Variants in SCN11A observed in about 807,000 individuals in gnomAD.
SCN11A encodes the protein sodium channel protein type 11 subunit alpha.
A neutral mutation model predicts 162.2 loss-of-function variants in SCN11A; 122 were observed. The observed-to-expected ratio is 0.75, with a 90% CI of 0.65 to 0.87. The LOEUF (loss-of-function observed/expected upper bound fraction) is 0.87, where lower values mean the gene tolerates loss of function less well. Ranked by LOEUF, SCN11A falls within the 40% of genes least tolerant of loss-of-function variation. SCN11A has a pLI of 0.00. For synonymous variants in SCN11A, 758 were observed against 751.5 expected (o/e 1.01, Z -0.14); for missense variants, 2,015 against 2,181.6 (o/e 0.92, Z 1.52).
intron 2 of SCN11A, among the ~76,000 whole-genome samples, chr3:39,018,175 G>A (rs1411216338): frequency 6.6e-6 from 1 of 152,202 alleles, no homozygotes; most frequent in Non-Finnish European, 1.5e-5. Flanking sequence ...CCTGGGCACT[G>A]TTACTTCTAA....
Position 38,896,898 on chromosome 3 carries a change from A to G in SCN11A, c.2350T>C (p.Ser784Pro). The change falls in exon 18 of 30, where the codon TCA becomes CCA. Residue 784 changes from serine (S) to proline (P), a missense_variant. Ser to Pro is a moderately conservative substitution (Grantham distance 74, BLOSUM62 -1). Transcript: ENST00000302328. ...WECMQEANAS[S>P]SLCVIVFILI... ...ATGAAGACAATAACACACAATGATG[A>G]TGATGCATTCGCTTCTTGCATACAT... The G allele has an allele frequency of 6.2e-7, 1 of 1,612,842 alleles. No individual in the cohort carries two copies. Among genetic ancestry groups the G allele is most frequent in the Non-Finnish European group, 8.5e-7 (1 of 1,179,430 alleles).
chr3:38,929,135 G>GCACACACACA (rs748169973), intron 7 of SCN11A, among the ~76,000 whole-genome samples: 29 of 66,698 alleles, frequency 4.3e-4, no homozygotes, highest in Middle Eastern at 7.4e-3. Flanking sequence ...GTCTGTGCAC[G>GCACACACACA]CACACACACA....
chr3:38,926,835 C>T lies in SCN11A; in HGVS notation c.585G>A (p.Trp195Ter), dbSNP rs1553641553. ...LDEFSFLRDP[W>*]NWLDSIVIGI... is the part of the protein sequence containing the mutation. ...CAATGACAATGGAGTCCAGCCAGTT[C>T]CATGGATCTCGAAGGAAAGAAAACT... Residue 195 changes from tryptophan (W) to a stop codon, truncating the protein, a stop_gained, in exon 8 of 30, where the codon TGG becomes TGA. Transcript: ENST00000302328. LOFTEE classifies it high-confidence loss of function. 1.2e-6 allele frequency: 2 copies of T among 1,613,748 alleles called. No individual in the cohort carries two copies.
chr3:38,853,427 C>G (rs968390160), intron 28 of SCN11A, among the ~76,000 whole-genome samples: 2 of 152,162 alleles, frequency 1.3e-5, no homozygotes, highest in Admixed American at 6.5e-5. Flanking sequence ...AAACCGCTGG[C>G]AGATTAAACC....
At chr3:38,978,244 G>A (rs1467416817) in intron 2 of SCN11A, among the ~76,000 whole-genome samples, 6 of 152,136 alleles carry the variant, frequency 3.9e-5, no homozygotes, top group East Asian at 1.9e-4. Context: ...CACTTCTACC[G>A]AACACCTGTA....
intron 2 of SCN11A, among the ~76,000 whole-genome samples, chr3:38,985,754 C>T (rs976809296): frequency 3.2e-4 from 49 of 151,034 alleles, no homozygotes; most frequent in Admixed American, 3.2e-3. Flanking sequence ...TAGTCATCTA[C>T]TGCTGTGTAA....
chr3:38,949,526 A>C (rs2125576270), intron 5 of SCN11A, among the ~76,000 whole-genome samples: 1 of 152,338 alleles, frequency 6.6e-6, no homozygotes, highest in East Asian at 1.9e-4. Flanking sequence ...GAGCCCTATT[A>C]GTCTCATTTA....
At chr3:38,908,189 C>T (rs755143933) in intron 13 of SCN11A, 67 bp from the exon 14 acceptor site, 84 of 1,416,144 alleles carry the variant, frequency 5.9e-5, no homozygotes, top group South Asian at 4.7e-4. Context: ...CAAATGACCC[C>T]GACCTGAGAG....
chr3:39,040,903 C>G (rs2032036413), intron 1 of SCN11A, among the ~76,000 whole-genome samples: 1 of 151,902 alleles, frequency 6.6e-6, no homozygotes, highest in East Asian at 1.9e-4. Flanking sequence ...ACGGTGAAAC[C>G]CCATCTCTAC....
chr3:38,869,152 G>A (rs1201151890), intron 26 of SCN11A, among the ~76,000 whole-genome samples: 2 of 151,916 alleles, frequency 1.3e-5, no homozygotes, highest in Admixed American at 6.6e-5. Context: ...TATCAGGACC[G>A]GCATCAAAAC....
intron 4 of SCN11A, among the ~76,000 whole-genome samples, chr3:38,951,049 C>T (rs1330612322): frequency 6.6e-6 from 1 of 152,250 alleles, no homozygotes; most frequent in Non-Finnish European, 1.5e-5. Context: ...CCCAATTTGG[C>T]GGCACTTGAG....
chr3:38,971,636 T>C (rs984298783), intron 2 of SCN11A, among the ~76,000 whole-genome samples: 1 of 152,256 alleles, frequency 6.6e-6, no homozygotes, highest in East Asian at 1.9e-4. Context: ...TCCAGGGAGC[T>C]TTTCTCACTG....
intron 7 of SCN11A, among the ~76,000 whole-genome samples, chr3:38,936,201 G>A (rs1305047307): frequency 6.6e-6 from 1 of 151,898 alleles, no homozygotes; most frequent in Non-Finnish European, 1.5e-5. Flanking sequence ...AATAAATTAG[G>A]TATTGATGGG....
rs2064690409 is a variant in SCN11A at position 38,847,417 on chromosome 3, T to C, written c.4653A>G (p.Ala1551=). 1.2e-6 allele frequency: 2 copies of C among 1,614,214 alleles called. No individual in the cohort carries two copies. Among genetic ancestry groups the C allele is most frequent in the Middle Eastern group, 1.6e-4 (1 of 6,062 alleles). The change falls in exon 30 of 30, where the codon GCA becomes GCG. Residue 1551 remains alanine, a synonymous_variant. Coordinates refer to ENST00000302328, the MANE Select transcript of SCN11A (RefSeq NM_001349253.2). ...MLCLFQISTS[A]GWDSLLSPML... ...TGGGGCTGAGCAGGGAATCCCAACCTGCTGATGTGCTTATCTGGAAGAGAC... is the reference window on the plus strand; with the variant it reads ...TGGGGCTGAGCAGGGAATCCCAACCCGCTGATGTGCTTATCTGGAAGAGAC...
chr3:38,963,710 C>T (rs4502530), intron 2 of SCN11A, among the ~76,000 whole-genome samples: 151,609 of 151,776 alleles, frequency 1, 75,721 homozygotes, highest in Middle Eastern at 1. Flanking sequence ...ACAATGACTT[C>T]GGGGAGTCGG....
intron 7 of SCN11A, among the ~76,000 whole-genome samples, chr3:38,936,974 C>T (rs1276123427): frequency 2.0e-5 from 3 of 151,996 alleles, no homozygotes; most frequent in Non-Finnish European, 2.9e-5. Flanking sequence ...TCAAACTATA[C>T]TACAAGGCTA....
At chr3:38,939,384 CAT>C (rs2066406003) in intron 7 of SCN11A, among the ~76,000 whole-genome samples, 1 of 151,246 alleles carries the variant, frequency 6.6e-6, no homozygotes, top group Admixed American at 6.6e-5. Flanking sequence ...AAAAAGAAAA[CAT>C]ATGAACAAAA....
intron 2 of SCN11A, among the ~76,000 whole-genome samples, chr3:38,997,736 G>A (rs1559568678): frequency 6.6e-6 from 1 of 152,204 alleles, no homozygotes; most frequent in Non-Finnish European, 1.5e-5. Flanking sequence ...ATAAATGAAT[G>A]TGGAATCTCC....
rs1445569526 is a variant in SCN11A, at chr3:38,880,006, C to T, written c.3337G>A (p.Gly1113Arg). The T allele has an allele frequency of 1.2e-5, 19 of 1,612,634 alleles. No homozygotes were observed. The highest frequency in any genetic ancestry group is 1.7e-5 in the Admixed American group (1 of 59,818). Residue 1113 changes from glycine to arginine, a missense_variant, in exon 23 of 30, where the codon GGA (glycine) becomes AGA (arginine). Physicochemically the swap from Gly to Arg is moderately radical, Grantham distance 125 (BLOSUM62 -2). Coordinates refer to ENST00000302328, the MANE Select transcript of SCN11A (RefSeq NM_001349253.2). ...GCACTGGTGAAATACTTTCCAAATC[C>T]GAAGGCTACCCATTTTAGTACCATC... The part of the protein sequence containing the change: ...LEMVLKWVAF[G>R]FGKYFTSAWC...
Sources: gnomAD v4.1 joint callset for allele counts (sites outside exome capture counted in the v4.1 genomes callset) on GRCh38, gnomAD v4.1.1 for gene constraint, MANE v1.5 for transcripts, NCBI Gene and HGNC (gene_info 2026-07-23, HGNC 2026-07-21) for gene names.